The following NALF1 variants were observed in gnomAD, a reference collection of about 807,000 sequenced individuals.
The protein encoded by NALF1 is NALCN channel auxiliary factor 1.
Under a neutral mutation model 48.4 loss-of-function variants are expected in NALF1, and 3 were observed. The ratio of observed to expected loss-of-function variants is 0.06; its 90% CI spans 0.03 to 0.16. The LOEUF (loss-of-function observed/expected upper bound fraction) is 0.16, where lower values mean the gene tolerates loss of function less well. Among genes scored for constraint, NALF1 ranks in the 10% least tolerant of loss-of-function variants. The pLI, the probability that NALF1 is intolerant of heterozygous loss-of-function variation, is 1.00. For missense variants in NALF1, 526 were observed against 571.5 expected, an observed-to-expected ratio of 0.92 and a Z score of 0.81; for synonymous variants, 262 against 245.7, an observed-to-expected ratio of 1.07 and a Z score of -0.62.
chr13:107,694,589 C>A lies in NALF1; in HGVS notation c.915+171093G>T, dbSNP rs546259431. 5.1e-4 allele frequency among the ~76,000 whole-genome samples: 77 copies of A among 152,250 alleles called. No homozygotes were observed. In the Middle Eastern group the frequency reaches 0.01, roughly 20 times the overall value. ...TTAGGTACTGTTAAATCACTGACAACTTATTGACATTTGAGATACAGTCCT... is the reference window on the plus strand; with the variant it reads ...TTAGGTACTGTTAAATCACTGACAAATTATTGACATTTGAGATACAGTCCT... On this transcript the variant is annotated intron_variant, in intron 1 of 2. Coordinates refer to ENST00000375915, the MANE Select transcript of NALF1 (RefSeq NM_001080396.3).
chr13:107,743,819 G>A (rs943945796), intron 1 of NALF1, among the ~76,000 whole-genome samples: 1 of 152,300 alleles, frequency 6.6e-6, no homozygotes, highest in South Asian at 2.1e-4. Flanking sequence ...CACAGGGTAA[G>A]CTGTATGTCC....
intron 1 of NALF1, among the ~76,000 whole-genome samples, chr13:107,410,182 A>C (rs1883965792): frequency 6.6e-6 from 1 of 152,102 alleles, no homozygotes; most frequent in Non-Finnish European, 1.5e-5. Flanking sequence ...TTTTTCTTTT[A>C]AGTTGGGTTG....
At chr13:107,315,241 ATT>A (rs1425383788) in intron 1 of NALF1, among the ~76,000 whole-genome samples, 3 of 151,446 alleles carry the variant, frequency 2.0e-5, no homozygotes, top group Non-Finnish European at 4.4e-5. Context: ...ATAAATATAA[ATT>A]TCTTATAAAT....
intron 1 of NALF1, among the ~76,000 whole-genome samples, chr13:107,430,373 T>C (rs1172891092): frequency 6.6e-6 from 1 of 152,138 alleles, no homozygotes; most frequent in Admixed American, 6.6e-5. Context: ...ATGTGCCATG[T>C]TGGTGTGCTA....
At chr13:107,414,019 T>G (rs1884040324) in intron 1 of NALF1, among the ~76,000 whole-genome samples, 1 of 152,152 alleles carries the variant, frequency 6.6e-6, no homozygotes, top group African/African-American at 2.4e-5. Context: ...ACTCCTGACC[T>G]CAGGTGCTCA....
intron 1 of NALF1, among the ~76,000 whole-genome samples, chr13:107,409,410 C>T (rs1168940594): frequency 6.6e-6 from 1 of 151,840 alleles, no homozygotes; most frequent in African/African-American, 2.4e-5. Flanking sequence ...GAGGGAAATA[C>T]GGGAAAGAAT....
At chr13:107,653,682 T>C (rs1014020062) in intron 1 of NALF1, among the ~76,000 whole-genome samples, 1 of 151,994 alleles carries the variant, frequency 6.6e-6, no homozygotes, top group Non-Finnish European at 1.5e-5. Flanking sequence ...CCTTCATGAC[T>C]CTAGATCCCA....
At chr13:107,795,258 C>A (rs940243040) in intron 1 of NALF1, among the ~76,000 whole-genome samples, 10 of 152,010 alleles carry the variant, frequency 6.6e-5, no homozygotes, top group Non-Finnish European at 1.2e-4. Context: ...CAACAACAAC[C>A]AAAAACAAAC....
chr13:107,700,730 T>G (rs1207262235), intron 1 of NALF1, among the ~76,000 whole-genome samples: 2 of 152,018 alleles, frequency 1.3e-5, no homozygotes, highest in African/African-American at 2.4e-5. Flanking sequence ...AAACCCCATA[T>G]CTGATAAGGG....
In NALF1 at chr13:107,589,307, C is replaced by T. The variant is rs9559077; in HGVS notation, c.915+276375G>A. On this transcript the variant is annotated intron_variant, in intron 1 of 2. Coordinates refer to ENST00000375915, the MANE Select transcript of NALF1 (RefSeq NM_001080396.3). ...AAATCTTGGATGTTCTTCGGGGTCA[C>T]GAGTGAAGCCAAAAGCAAATTCCAA... 0.021 allele frequency among the ~76,000 whole-genome samples: 3,141 copies of T among 151,980 alleles called. 214 individuals are homozygous for T. The East Asian group carries it at 0.26, about 13-fold the overall frequency.
chr13:107,614,847 TG>T (rs901600070), intron 1 of NALF1, among the ~76,000 whole-genome samples: 3 of 151,892 alleles, frequency 2.0e-5, no homozygotes, highest in African/African-American at 7.3e-5. Context: ...ATGCAATCTT[TG>T]CTCACTGAAA....
intron 1 of NALF1, among the ~76,000 whole-genome samples, chr13:107,467,856 T>A (rs368162452): frequency 1.3e-5 from 2 of 152,040 alleles, no homozygotes; most frequent in Admixed American, 1.3e-4. Context: ...CTGGCTAACA[T>A]GGTGAAACCC....
chr13:107,184,426 T>C (rs2806497), intron 2 of NALF1, among the ~76,000 whole-genome samples: 69,629 of 151,938 alleles, frequency 0.46, 16,206 homozygotes, highest in Middle Eastern at 0.51. Flanking sequence ...ACATTCCCTC[T>C]GATCATTTTT....
At chr13:107,633,823 G>A (rs2138451061) in intron 1 of NALF1, among the ~76,000 whole-genome samples, 1 of 145,204 alleles carries the variant, frequency 6.9e-6, no homozygotes, top group South Asian at 2.1e-4. Context: ...TACATATCCT[G>A]TTTTACCAAA....
intron 1 of NALF1, among the ~76,000 whole-genome samples, chr13:107,797,657 T>C (rs1020681125): frequency 6.6e-6 from 1 of 152,222 alleles, no homozygotes; most frequent in African/African-American, 2.4e-5. Flanking sequence ...GACGTTCCAG[T>C]CTGGTTGAAG....
intron 1 of NALF1, among the ~76,000 whole-genome samples, chr13:107,418,512 T>C (rs961742637): frequency 3.3e-5 from 5 of 152,170 alleles, no homozygotes; most frequent in Non-Finnish European, 7.4e-5. Context: ...TTGAGATTAT[T>C]TGTACACAAC....
chr13:107,183,539 C>A (rs888508068), intron 2 of NALF1, among the ~76,000 whole-genome samples: 1 of 152,146 alleles, frequency 6.6e-6, no homozygotes, highest in African/African-American at 2.4e-5. Flanking sequence ...AAGACACATG[C>A]ACATGTATGT....
In NALF1 at chr13:107,303,971, A is replaced by C. The variant is rs538877378; in HGVS notation, c.916-93216T>G. 3.3e-5 allele frequency among the ~76,000 whole-genome samples: 5 copies of C among 152,296 alleles called. No individual in the cohort carries two copies. The East Asian group carries it at 9.7e-4, about 29-fold the overall frequency. ...AAATATAATCTATTTCTCTGGGTTC[A>C]GTTTTTCATTCAAGATGTACAAATA... On this transcript the variant is annotated intron_variant, in intron 1 of 2. Coordinates refer to ENST00000375915, the MANE Select transcript of NALF1 (RefSeq NM_001080396.3).
chr13:107,774,551 G>C (rs1877668033), intron 1 of NALF1, among the ~76,000 whole-genome samples: 1 of 152,176 alleles, frequency 6.6e-6, no homozygotes, highest in Non-Finnish European at 1.5e-5. Flanking sequence ...TTAGTGAAAT[G>C]GAGGTAAATA....
Sources: gnomAD v4.1 joint callset for allele counts (sites outside exome capture counted in the v4.1 genomes callset) on GRCh38, gnomAD v4.1.1 for gene constraint, MANE v1.5 for transcripts, NCBI Gene and HGNC (gene_info 2026-07-23, HGNC 2026-07-21) for gene names.